Variants in RBFOX1 observed in about 807,000 individuals in gnomAD.
The protein encoded by RBFOX1 is RNA binding protein fox-1 homolog 1.
A neutral mutation model predicts 57.7 loss-of-function variants in RBFOX1; 8 were observed. The observed-to-expected ratio is 0.14, with a 90% CI of 0.08 to 0.25. The LOEUF (loss-of-function observed/expected upper bound fraction) is 0.25, where lower values mean the gene tolerates loss of function less well. Among genes scored for constraint, RBFOX1 ranks in the 10% least tolerant of loss-of-function variants. The probability of loss-of-function intolerance (pLI) is 1.00; values close to 1 mark genes in which losing one functional copy is unlikely to be tolerated. For missense variants in RBFOX1, 611 were observed against 548.5 expected (o/e 1.11, Z -1.14); for synonymous variants, 326 against 222.4 (o/e 1.47, Z -4.15).
intron 4 of RBFOX1, among the ~76,000 whole-genome samples, chr16:7,167,108 C>T (rs1473416950): frequency 6.6e-6 from 1 of 150,848 alleles, no homozygotes; most frequent in Non-Finnish European, 1.5e-5. Flanking sequence ...GCCTCAGCCT[C>T]CTGAGTAGCT....
chr16:7,017,459 A>G (rs2093973984), intron 3 of RBFOX1, among the ~76,000 whole-genome samples: 1 of 152,206 alleles, frequency 6.6e-6, no homozygotes, highest in Non-Finnish European at 1.5e-5. Context: ...CAACGCACAC[A>G]CTGACGCGCG....
At chr16:7,275,295 T>C (rs2095419199) in intron 4 of RBFOX1, among the ~76,000 whole-genome samples, 1 of 152,244 alleles carries the variant, frequency 6.6e-6, no homozygotes, top group African/African-American at 2.4e-5. Context: ...GAAAACTTGA[T>C]TTCTAATCGT....
chr16:7,431,215 C>T (rs527748253), intron 4 of RBFOX1: 1 of 152,032 alleles, frequency 6.6e-6, no homozygotes, highest in Non-Finnish European at 1.5e-5. Context: ...TTTTACATGT[C>T]TTTTATTATT....
intron 2 of RBFOX1, among the ~76,000 whole-genome samples, chr16:6,380,131 G>C (rs1006902560): frequency 1.3e-5 from 2 of 152,072 alleles, no homozygotes; most frequent in African/African-American, 4.8e-5. Flanking sequence ...AGGTGGGGGA[G>C]GTTGAAGATG....
chr16:6,595,133 A>G (rs556890729), intron 2 of RBFOX1, among the ~76,000 whole-genome samples: 24 of 152,264 alleles, frequency 1.6e-4, no homozygotes, highest in Middle Eastern at 3.4e-3. Flanking sequence ...TCATCAACAC[A>G]CCATCAGCGC....
chr16:6,024,564 C>G (rs1189680338), intron 1 of RBFOX1, among the ~76,000 whole-genome samples: 1 of 152,180 alleles, frequency 6.6e-6, no homozygotes, highest in East Asian at 1.9e-4. Flanking sequence ...TCTCATCTCA[C>G]TGCCACCTCC....
chr16:6,348,716 G>T (rs2085787370), intron 2 of RBFOX1, among the ~76,000 whole-genome samples: 1 of 152,066 alleles, frequency 6.6e-6, no homozygotes, highest in Non-Finnish European at 1.5e-5. Context: ...ACAACCGGAT[G>T]TCCCGAGAAC....
At chr16:6,493,460 G>A (rs117639558) in intron 2 of RBFOX1, among the ~76,000 whole-genome samples, 426 of 152,180 alleles carry the variant, frequency 2.8e-3, no homozygotes, top group Non-Finnish European at 4.6e-3. Flanking sequence ...GTCAGGGACC[G>A]TAGGCTGCTA....
intron 1 of RBFOX1, among the ~76,000 whole-genome samples, chr16:6,290,362 T>C (rs1243606318): frequency 6.6e-6 from 1 of 151,554 alleles, no homozygotes; most frequent in Non-Finnish European, 1.5e-5. Flanking sequence ...TAGAAATTTG[T>C]AAAATTGTGA....
intron 4 of RBFOX1, among the ~76,000 whole-genome samples, chr16:7,395,887 G>C (rs1292422682): frequency 6.6e-6 from 1 of 152,178 alleles, no homozygotes; most frequent in East Asian, 1.9e-4. Context: ...TTACATAAAT[G>C]TTTGTAATAG....
chr16:6,518,602 T>G (rs1319109497), intron 2 of RBFOX1, among the ~76,000 whole-genome samples: 1 of 152,160 alleles, frequency 6.6e-6, no homozygotes, highest in Non-Finnish European at 1.5e-5. Flanking sequence ...TTCAGACCAC[T>G]TACTGCCTCC....
chr16:6,416,223 C>T (rs779611605), intron 2 of RBFOX1, among the ~76,000 whole-genome samples: 1 of 152,202 alleles, frequency 6.6e-6, no homozygotes, highest in Non-Finnish European at 1.5e-5. Flanking sequence ...TGTAATTTTC[C>T]ATCGGGTGGA....
In RBFOX1 at chr16:6,681,051, C is replaced by G. The variant is rs149322898; in HGVS notation, c.-16+26401C>G. Among the ~76,000 whole-genome samples the G allele has an allele frequency of 1.2e-4, 19 of 152,228 alleles. No individual in the cohort carries two copies. In the East Asian group the frequency reaches 2.5e-3, roughly 20 times the overall value. On this transcript the variant is annotated intron_variant, in intron 3 of 15. Coordinates refer to ENST00000550418, the MANE Select transcript of RBFOX1 (RefSeq NM_018723.4). Reference sequence around the variant, plus strand: ...TTAGGCTGGGCATGATGGCTCACACCCATAATGCCAGTCCTTTGCAAGGCT... The same window carrying G: ...TTAGGCTGGGCATGATGGCTCACACGCATAATGCCAGTCCTTTGCAAGGCT...
At chr16:6,704,878 G>C (rs969685326) in intron 3 of RBFOX1, 1 of 152,020 alleles carries the variant, frequency 6.6e-6, no homozygotes, top group Non-Finnish European at 1.5e-5. Context: ...TTTTGCTTCA[G>C]TTTCTTGCTC....
chr16:6,643,454 G>T (rs1422273508), intron 2 of RBFOX1, among the ~76,000 whole-genome samples: 1 of 152,000 alleles, frequency 6.6e-6, no homozygotes, highest in Non-Finnish European at 1.5e-5. Context: ...TTTTGCGGTT[G>T]GAGGATTAAG....
At position 7,678,622 on chromosome 16, in the gene RBFOX1, G is replaced by GA. The variant is rs554301790; in HGVS notation, c.995+1793dup. ...GTATAAGTGCATCTATCCCCAAGTT[G>GA]AAAAAAAAAGATTACAAAGATATGA... On this transcript the variant is annotated intron_variant, in intron 14 of 15. Transcript: ENST00000550418. Among the ~76,000 whole-genome samples the GA allele has an allele frequency of 1.0e-3, 156 of 149,374 alleles. 1 individual carries two copies. The East Asian group carries it at 0.013, about 12-fold the overall frequency.
chr16:6,126,794 G>A (rs891007153), intron 1 of RBFOX1, among the ~76,000 whole-genome samples: 19 of 152,236 alleles, frequency 1.2e-4, no homozygotes, highest in African/African-American at 4.6e-4. Context: ...TAGAGACCAG[G>A]TAATGAGCTA....
chr16:6,756,049 C>G (rs919208987), intron 3 of RBFOX1, among the ~76,000 whole-genome samples: 1 of 152,116 alleles, frequency 6.6e-6, no homozygotes, highest in Admixed American at 6.5e-5. Context: ...AATGAGGTGC[C>G]TCCCAGGGAG....
chr16:7,388,922 C>T (rs546019966), intron 4 of RBFOX1, among the ~76,000 whole-genome samples: 166 of 152,112 alleles, frequency 1.1e-3, no homozygotes, highest in African/African-American at 3.7e-3. Flanking sequence ...AGGGACATAA[C>T]CATATCATAA....
Sources: gnomAD v4.1 joint callset for allele counts (sites outside exome capture counted in the v4.1 genomes callset) on GRCh38, gnomAD v4.1.1 for gene constraint, MANE v1.5 for transcripts, NCBI Gene and HGNC (gene_info 2026-07-23, HGNC 2026-07-21) for gene names.